Variants in NUP62 observed in about 807,000 individuals in gnomAD.
NUP62 encodes nuclear pore glycoprotein p62.
For synonymous variants in NUP62, 305 were observed against 303.4 expected (o/e 1.01, Z -0.05); for missense variants, 647 against 689.4 (o/e 0.94, Z 0.69).
At position 49,909,245 on chromosome 19, in the gene NUP62, A is replaced by G. The variant is rs758877471; in HGVS notation, c.563T>C (p.Leu188Ser). 6.2e-7 allele frequency: 1 copy of G among 1,613,934 alleles called. No individual in the cohort carries two copies. The highest frequency in any genetic ancestry group is 1.3e-5 in the African/African-American group (1 of 74,888). The change falls in exon 3 of 3, where the codon TTG (leucine) becomes TCG (serine). Residue 188 changes from leucine to serine, a missense_variant. Leu to Ser is a moderately radical substitution (Grantham distance 145, BLOSUM62 -2). Transcript: ENST00000352066. ...NSAQPTAPAT[L>S]PFTPATPAAT... is the part of the protein sequence containing the mutation. ...TGCTGGCGTGGCCGGAGTGAAGGGC[A>G]ACGTGGCAGGTGCCGTGGGCTGGGC...
chr19:49,926,330 G>A (rs745377796), intron 2 of NUP62, among the ~76,000 whole-genome samples: 1 of 151,372 alleles, frequency 6.6e-6, no homozygotes, highest in African/African-American at 2.4e-5. Flanking sequence ...AGGAGTTCAA[G>A]ACCAGCCTGG....
At position 49,909,282 on chromosome 19, in the gene NUP62, C is replaced by A. The variant is rs745811720; in HGVS notation, c.526G>T (p.Ala176Ser). The A allele has an allele frequency of 6.2e-7, 1 of 1,614,102 alleles. No individual in the cohort carries two copies. Among genetic ancestry groups the A allele is most frequent in the Admixed American group, 1.7e-5 (1 of 60,006 alleles). The stretch of plus-strand genomic sequence containing the variant: ...GCCGTGGGCTGGGCTGAATTCCCTG[C>A]TGAGCCAATGTTGAAACCGGAGGGT... ...AQPSGFNIGS[A>S]GNSAQPTAPA... Residue 176 changes from alanine to serine, a missense_variant, in exon 3 of 3, where the codon GCA (alanine) becomes TCA (serine). Physicochemically the swap from Ala to Ser is moderately conservative, Grantham distance 99. Coordinates refer to ENST00000352066, the MANE Select transcript of NUP62 (RefSeq NM_016553.5).
intron 1 of NUP62, chr19:49,928,520 C>CA (rs36110256): frequency 0.13 from 17,899 of 133,576 alleles, 1,483 homozygotes; most frequent in East Asian, 0.38. Flanking sequence ...GACTCCGTCT[C>CA]AAAAAAAAAA....
chr19:49,915,453 A>G (rs2075599638), intron 2 of NUP62, among the ~76,000 whole-genome samples: 1 of 152,214 alleles, frequency 6.6e-6, no homozygotes, highest in South Asian at 2.1e-4. Context: ...AAAGAAGGAC[A>G]TAGCCTCTCC....
chr19:49,908,937 C>A lies in NUP62; in HGVS notation c.871G>T (p.Ala291Ser). 1 of 1,608,554 alleles carries A rather than the reference C, an allele frequency of 6.2e-7. No homozygotes were observed. Among genetic ancestry groups the A allele is most frequent in the Non-Finnish European group, 8.5e-7 (1 of 1,177,634 alleles). ...TTSSSSTTGF[A>S]LNLKPLAPAG... is the part of the protein sequence containing the mutation. ...GGCGCCAGTGGTTTTAAATTCAAGGCAAAGCCGGTGGTGCTGCTGCTGCTG... is the reference window on the plus strand; with the variant it reads ...GGCGCCAGTGGTTTTAAATTCAAGGAAAAGCCGGTGGTGCTGCTGCTGCTG... Residue 291 changes from alanine (A) to serine (S), a missense_variant, in exon 3 of 3, where the codon GCC becomes TCC. Physicochemically the swap from Ala to Ser is moderately conservative, Grantham distance 99. Transcript: ENST00000352066.
Position 49,908,365 on chromosome 19 carries a change from G to A in NUP62, c.1443C>T (p.His481=). The change falls in exon 3 of 3, where the codon CAC becomes CAT. Residue 481 remains histidine, a synonymous_variant. Transcript: ENST00000352066. ...LQQICKILNA[H]MDSLQWIDQN... ...GGTCGATCCACTGCAGTGAGTCCAT[G>A]TGCGCATTGAGGATCTTGCAGATCT... The A allele has an allele frequency of 6.2e-7, 1 of 1,614,216 alleles. No individual in the cohort carries two copies. The highest frequency in any genetic ancestry group is 1.3e-5 in the African/African-American group (1 of 75,062).
At chr19:49,912,127 A>T (rs112103239) in intron 2 of NUP62, among the ~76,000 whole-genome samples, 3,585 of 151,958 alleles carry the variant, frequency 0.024, 148 homozygotes, top group African/African-American at 0.081. Flanking sequence ...TACAAGGAAA[A>T]CAATCTTCTA....
Position 49,909,237 on chromosome 19 carries a change from T to C in NUP62, c.571A>G (p.Thr191Ala). ...QPTAPATLPF[T>A]PATPAATTAG... Reference sequence around the variant, plus strand: ...GTGGTGGCTGCTGGCGTGGCCGGAGTGAAGGGCAACGTGGCAGGTGCCGTG... The same window carrying C: ...GTGGTGGCTGCTGGCGTGGCCGGAGCGAAGGGCAACGTGGCAGGTGCCGTG... The change falls in exon 3 of 3, where the codon ACT (threonine) becomes GCT (alanine). Residue 191 changes from threonine (T) to alanine (A), a missense_variant. Transcript: ENST00000352066. 1.2e-6 allele frequency: 2 copies of C among 1,613,730 alleles called. No individual in the cohort carries two copies. Among genetic ancestry groups the C allele is most frequent in the South Asian group, 2.2e-5 (2 of 91,058 alleles).
chr19:49,920,213 G>A (rs1426556420), intron 2 of NUP62, among the ~76,000 whole-genome samples: 7 of 152,168 alleles, frequency 4.6e-5, no homozygotes, highest in Non-Finnish European at 7.3e-5. Context: ...CTCCCAAGTA[G>A]CTGGGACTAC....
In NUP62 at chr19:49,907,279, T is replaced by C; in HGVS notation, c.*960A>G. ...GAAGGCCACCTGAGCTTCGGGTAGC[T>C]GGGAAGGCTTCCTGGAGGAGGTGAG... On this transcript the variant is annotated 3_prime_UTR_variant, in exon 3 of 3. Transcript: ENST00000352066. 1 of 297,846 alleles carries C rather than the reference T, an allele frequency of 3.4e-6. No individual in the cohort carries two copies. The highest frequency in any genetic ancestry group is 6.5e-6 in the Non-Finnish European group (1 of 153,990). The allele number at this position is 297,846 out of a possible 1,614,324, so 18.5% of individuals were successfully genotyped here. A position where few individuals can be genotyped will look rare whatever the true frequency, so the allele number is the denominator to read the frequency against.
intron 2 of NUP62, among the ~76,000 whole-genome samples, chr19:49,918,895 TGGGG>T (rs56129490): frequency 1.7e-4 from 12 of 72,330 alleles, no homozygotes; most frequent in East Asian, 1.1e-3. Context: ...TTTGGGAGGC[TGGGG>T]GGGGGGGGGC....
intron 2 of NUP62, among the ~76,000 whole-genome samples, chr19:49,912,619 T>G (rs2075500685): frequency 6.6e-6 from 1 of 152,110 alleles, no homozygotes; most frequent in Non-Finnish European, 1.5e-5. Context: ...ATCCCAGCAC[T>G]TTGGGAGGCT....
chr19:49,923,703 C>T (rs914010145), intron 2 of NUP62, among the ~76,000 whole-genome samples: 7 of 152,246 alleles, frequency 4.6e-5, no homozygotes, highest in Non-Finnish European at 1.0e-4. Flanking sequence ...ATTTAATCCT[C>T]AAAACCACCG....
chr19:49,923,209 C>T (rs909884311), intron 2 of NUP62, among the ~76,000 whole-genome samples: 9 of 152,200 alleles, frequency 5.9e-5, no homozygotes, highest in Non-Finnish European at 1.0e-4. Context: ...TCATCCTCTC[C>T]CCAACTGAGC....
intron 2 of NUP62, among the ~76,000 whole-genome samples, chr19:49,914,275 G>A (rs1248365042): frequency 6.6e-6 from 1 of 152,314 alleles, no homozygotes; most frequent in East Asian, 1.9e-4. Flanking sequence ...CCTTACCAAA[G>A]AAGCTGATGG....
chr19:49,925,793 G>A (rs890847188), intron 2 of NUP62, among the ~76,000 whole-genome samples: 7 of 152,198 alleles, frequency 4.6e-5, no homozygotes, highest in Non-Finnish European at 1.0e-4. Context: ...GACAAATGTG[G>A]CAAAGTAATG....
At chr19:49,928,035 T>G (rs1210133714) in intron 1 of NUP62, 1 of 152,314 alleles carries the variant, frequency 6.6e-6, no homozygotes, top group East Asian at 1.9e-4. Flanking sequence ...CCTCGATGTC[T>G]GAATCCCTGC....
intron 2 of NUP62, among the ~76,000 whole-genome samples, chr19:49,922,708 A>G (rs1335999767): frequency 1.3e-5 from 2 of 150,486 alleles, no homozygotes; most frequent in Admixed American, 1.3e-4. Flanking sequence ...CTTGGATCTC[A>G]CAGAAAAAAA....
At chr19:49,916,708 A>G (rs989399634) in intron 2 of NUP62, among the ~76,000 whole-genome samples, 2 of 150,778 alleles carry the variant, frequency 1.3e-5, no homozygotes, top group East Asian at 2.0e-4. Flanking sequence ...AGCTTGCAGT[A>G]AGCCGAGATC....
Sources: gnomAD v4.1 joint callset for allele counts (sites outside exome capture counted in the v4.1 genomes callset) on GRCh38, gnomAD v4.1.1 for gene constraint, MANE v1.5 for transcripts, NCBI Gene and HGNC (gene_info 2026-07-23, HGNC 2026-07-21) for gene names.